The following SLC36A1 variants were observed in gnomAD, a reference collection of about 807,000 sequenced individuals.
SLC36A1 encodes the protein proton-coupled amino acid transporter 1.
SLC36A1 carries 30 observed loss-of-function variants against 47.5 expected under a neutral mutation model. That is an observed-to-expected ratio of 0.63 (90% CI 0.47 to 0.86). SLC36A1 has a LOEUF of 0.86. SLC36A1 is among the 40% of genes least tolerant of loss of function. The pLI is 0.00. For missense variants in SLC36A1, 517 were observed against 606.0 expected (o/e 0.85, Z 1.54); for synonymous variants, 255 against 249.7 (o/e 1.02, Z -0.20).
intron 1 of SLC36A1, among the ~76,000 whole-genome samples, chr5:151,456,478 C>A (rs1222956179): frequency 3.3e-5 from 5 of 152,332 alleles, no homozygotes; most frequent in African/African-American, 1.2e-4. Context: ...TCCTGACATA[C>A]CTGTAAACTG....
downstream of SLC36A1, among the ~76,000 whole-genome samples, chr5:151,494,469 C>T (rs974161438): frequency 6.6e-6 from 1 of 152,212 alleles, no homozygotes; most frequent in African/African-American, 2.4e-5. Flanking sequence ...CATCCTCACA[C>T]CACTCAGCCC....
chr5:151,363,465 G>A, the SLC36A1 span, among the ~76,000 whole-genome samples: 4 of 152,020 alleles, frequency 2.6e-5, no homozygotes, highest in Non-Finnish European at 4.4e-5. Context: ...TCATATTTGA[G>A]TTCTGGGATA....
At chr5:151,440,504 G>A (rs911987288) in intron 1 of SLC36A1, among the ~76,000 whole-genome samples, 3 of 151,782 alleles carry the variant, frequency 2.0e-5, no homozygotes, top group Middle Eastern at 3.4e-3. Flanking sequence ...GAGAGGGAAA[G>A]GGGACACTGG....
the SLC36A1 span, among the ~76,000 whole-genome samples, chr5:151,357,449 C>T: frequency 1.3e-5 from 2 of 152,214 alleles, no homozygotes; most frequent in Non-Finnish European, 2.9e-5. Flanking sequence ...CTTTTACTTC[C>T]TTACAAGCTG....
chr5:151,497,626 T>C, the SLC36A1 span, among the ~76,000 whole-genome samples: 1 of 152,206 alleles, frequency 6.6e-6, no homozygotes, highest in Non-Finnish European at 1.5e-5. Flanking sequence ...CCGGCTGCTC[T>C]GGTGCTACAG....
At chr5:151,475,321 G>A (rs750323635) in intron 8 of SLC36A1, among the ~76,000 whole-genome samples, 12 of 152,208 alleles carry the variant, frequency 7.9e-5, no homozygotes, top group Admixed American at 2.6e-4. Flanking sequence ...ACAGCACAGC[G>A]CAGAAATTGT....
chr5:151,387,156 TGGCAGAG>T, the SLC36A1 span: 1 of 152,494 alleles, frequency 6.6e-6, no homozygotes, highest in South Asian at 2.1e-4. Flanking sequence ...ACAATGATCT[TGGCAGAG>T]ACATAGAACT....
the SLC36A1 span, chr5:151,531,507 A>G: frequency 1.9e-6 from 3 of 1,568,970 alleles, no homozygotes; most frequent in Non-Finnish European, 2.6e-6. This position sits in a 1 kb window ranked among gnomAD's most constrained non-coding sequence, Gnocchi z 5.7. Flanking sequence ...CACAGGGTAG[A>G]TACCCACACA....
At chr5:151,497,500 C>G in the SLC36A1 span, among the ~76,000 whole-genome samples, 1 of 152,266 alleles carries the variant, frequency 6.6e-6, no homozygotes, top group South Asian at 2.1e-4. Flanking sequence ...TTCACTCACC[C>G]TGATATTTAC....
In SLC36A1 at chr5:151,490,584, C is replaced by T. The variant is rs917860979; in HGVS notation, c.*2330C>T. 1 of 152,364 alleles carries T rather than the reference C, an allele frequency of 6.6e-6. No individual in the cohort carries two copies. The highest frequency in any genetic ancestry group is 1.5e-5 in the Non-Finnish European group (1 of 68,148). 9.4% of individuals were successfully genotyped at this position (152,364 alleles called of 1,614,324 possible). The stretch of plus-strand genomic sequence containing the variant: ...TTAGCAGGATGCAGGCTATTGCTTC[C>T]ACACCCCTGGCCGTGAGAACGTGGT... On this transcript the variant is annotated 3_prime_UTR_variant, in exon 11 of 11. Coordinates refer to ENST00000243389, the MANE Select transcript of SLC36A1 (RefSeq NM_078483.4).
At chr5:151,439,281 G>A (rs1752484065) in intron 1 of SLC36A1, among the ~76,000 whole-genome samples, 1 of 152,170 alleles carries the variant, frequency 6.6e-6, no homozygotes, top group Non-Finnish European at 1.5e-5. Flanking sequence ...TTCGAGATGA[G>A]ATTTGGGTGG....
At chr5:151,371,803 A>G in the SLC36A1 span, among the ~76,000 whole-genome samples, 3 of 152,204 alleles carry the variant, frequency 2.0e-5, no homozygotes, top group Non-Finnish European at 4.4e-5. Flanking sequence ...TAGCATTACA[A>G]ACATGTTAAA....
At chr5:151,550,781 G>A in the SLC36A1 span, 2 of 1,614,066 alleles carry the variant, frequency 1.2e-6, no homozygotes, top group African/African-American at 1.3e-5. Flanking sequence ...TCTACCCCTG[G>A]CACGGTGTCC....
At chr5:151,493,996 G>A (rs892868092), downstream of SLC36A1, among the ~76,000 whole-genome samples, 1 of 152,106 alleles carries the variant, frequency 6.6e-6, no homozygotes, top group African/African-American at 2.4e-5. Context: ...CCTCTGTGGA[G>A]GCCACTCAAT....
At chr5:151,363,913 T>C in the SLC36A1 span, among the ~76,000 whole-genome samples, 1 of 152,314 alleles carries the variant, frequency 6.6e-6, no homozygotes, top group East Asian at 1.9e-4. Flanking sequence ...TAGTGTCACA[T>C]GGTATTATAA....
At chr5:151,357,435 T>C in the SLC36A1 span, among the ~76,000 whole-genome samples, 1 of 152,254 alleles carries the variant, frequency 6.6e-6, no homozygotes, top group Non-Finnish European at 1.5e-5. Flanking sequence ...GGAGATTTTG[T>C]GGACTTTTAC....
chr5:151,549,407 A>G, the SLC36A1 span: 2 of 1,614,014 alleles, frequency 1.2e-6, no homozygotes, highest in Non-Finnish European at 1.7e-6. Flanking sequence ...TTGCCTCATA[A>G]TGGAGCTGAG....
At chr5:151,450,589 G>T (rs994402378) in intron 1 of SLC36A1, among the ~76,000 whole-genome samples, 1 of 152,214 alleles carries the variant, frequency 6.6e-6, no homozygotes, top group South Asian at 2.1e-4. Flanking sequence ...CCACTTACTG[G>T]CATGTAGAGT....
chr5:151,542,741 C>T, the SLC36A1 span: 2 of 1,614,252 alleles, frequency 1.2e-6, no homozygotes, highest in Non-Finnish European at 1.7e-6. Context: ...GCCTCAAATA[C>T]AGGCCTATTG....
Sources: allele counts gnomAD v4.1 joint callset (sites outside exome capture counted in the v4.1 genomes callset), GRCh38; gene constraint gnomAD v4.1.1; non-coding constraint Gnocchi (gnomAD v3.1); transcripts MANE v1.5; gene names NCBI Gene and HGNC (gene_info 2026-07-23, HGNC 2026-07-21).